CTNNA2: variants seen among roughly 807,000 people sequenced by gnomAD.
CTNNA2 encodes the protein catenin alpha-2.
CTNNA2 carries 42 observed loss-of-function variants against 101.0 expected under a neutral mutation model. The ratio of observed to expected loss-of-function variants is 0.42; its 90% confidence interval spans 0.32 to 0.54. CTNNA2 has a LOEUF of 0.54. Among genes scored for constraint, CTNNA2 ranks in the 20% least tolerant of loss-of-function variants. The probability of loss-of-function intolerance (pLI) is 0.14; values close to 1 mark genes in which losing one functional copy is unlikely to be tolerated. For missense variants in CTNNA2, 871 were observed against 1,223.1 expected, an observed-to-expected ratio of 0.71 and a Z score of 4.29; for synonymous variants, 450 against 456.4, an observed-to-expected ratio of 0.99 and a Z score of 0.18.
rs150474784 is a variant in CTNNA2 at position 79,929,102 on chromosome 2, C to A, written c.1056+19305C>A. On this transcript the variant is annotated intron_variant, in intron 7 of 18. Coordinates refer to ENST00000402739, the MANE Select transcript of CTNNA2 (RefSeq NM_001282597.3). ...GGGAGATGTGACAGGGACTGGGGCT[C>A]CAGCAAAGACTTTCCACGTTTTTAA... Among the ~76,000 whole-genome samples, 366 of 152,214 alleles carry A rather than the reference C, an allele frequency of 2.4e-3. 2 individuals are homozygous for A. The highest frequency in any genetic ancestry group is 8.6e-3 in the African/African-American group (356 of 41,520).
chr2:79,568,537 G>T (rs1245309391), intron 1 of CTNNA2, among the ~76,000 whole-genome samples: 2 of 152,038 alleles, frequency 1.3e-5, no homozygotes, highest in Non-Finnish European at 2.9e-5. Flanking sequence ...AGCAGAGGTT[G>T]CAGTGAGCCA....
intron 6 of CTNNA2, among the ~76,000 whole-genome samples, chr2:79,875,353 C>G (rs939422391): frequency 2.0e-5 from 3 of 152,148 alleles, no homozygotes; most frequent in Non-Finnish European, 4.4e-5. Context: ...TTAGCATCTA[C>G]TTTCCAGGGT....
intron 1 of CTNNA2, among the ~76,000 whole-genome samples, chr2:79,595,554 G>C (rs906322385): frequency 2.0e-5 from 3 of 152,070 alleles, no homozygotes; most frequent in African/African-American, 7.2e-5. Context: ...AGCCCAGGGC[G>C]AAAACCAGGT....
At chr2:80,043,692 T>C (rs1161250620) in intron 7 of CTNNA2, among the ~76,000 whole-genome samples, 3 of 152,228 alleles carry the variant, frequency 2.0e-5, no homozygotes, top group African/African-American at 7.2e-5. Flanking sequence ...GAGAATTGAA[T>C]ATGATGTCAT....
intron 7 of CTNNA2, among the ~76,000 whole-genome samples, chr2:80,173,469 A>G (rs1326503123): frequency 6.6e-6 from 1 of 152,212 alleles, no homozygotes. Flanking sequence ...CTATTAGAGG[A>G]GAGTAATTAT....
intron 7 of CTNNA2, among the ~76,000 whole-genome samples, chr2:80,179,558 A>G (rs1705629423): frequency 6.6e-6 from 1 of 152,056 alleles, no homozygotes; most frequent in Non-Finnish European, 1.5e-5. Context: ...TATTTTTAGT[A>G]GAGAAGGGAT....
intron 2 of CTNNA2, among the ~76,000 whole-genome samples, chr2:79,218,740 A>G (rs561478402): frequency 3.3e-5 from 5 of 152,298 alleles, no homozygotes; most frequent in East Asian, 1.9e-4. Context: ...TGCGTTGGTG[A>G]TAATAATTAT....
At chr2:80,032,978 C>A (rs1165184235) in intron 7 of CTNNA2, among the ~76,000 whole-genome samples, 1 of 151,774 alleles carries the variant, frequency 6.6e-6, no homozygotes, top group Non-Finnish European at 1.5e-5. Flanking sequence ...TGGTGAAACC[C>A]CATCTCTACC....
intron 4 of CTNNA2, among the ~76,000 whole-genome samples, chr2:79,473,055 A>G (rs1365338593): frequency 1.3e-5 from 2 of 152,208 alleles, no homozygotes; most frequent in African/African-American, 4.8e-5. Context: ...ACCTCATGAC[A>G]ATGACCTTGA....
At chr2:79,550,581 G>A (rs1674035557) in intron 1 of CTNNA2, among the ~76,000 whole-genome samples, 1 of 152,190 alleles carries the variant, frequency 6.6e-6, no homozygotes, top group Non-Finnish European at 1.5e-5. Flanking sequence ...ATATTAAAAT[G>A]CCCAAATGTT....
At chr2:80,646,900 A>G (rs1674156658) in intron 18 of CTNNA2, among the ~76,000 whole-genome samples, 1 of 152,134 alleles carries the variant, frequency 6.6e-6, no homozygotes, top group South Asian at 2.1e-4. Context: ...GCATGACGAT[A>G]ATGCCTATAT....
At chr2:79,418,056 G>A (rs1335355405) in intron 4 of CTNNA2, among the ~76,000 whole-genome samples, 1 of 152,066 alleles carries the variant, frequency 6.6e-6, no homozygotes, top group East Asian at 1.9e-4. Flanking sequence ...TGATTGCTTG[G>A]ATGAGAGATG....
At chr2:79,573,022 T>G (rs1675556237) in intron 1 of CTNNA2, among the ~76,000 whole-genome samples, 1 of 152,142 alleles carries the variant, frequency 6.6e-6, no homozygotes, top group Admixed American at 6.5e-5. Context: ...ACATTTCACT[T>G]TTGTCTTGAT....
At chr2:80,098,009 CAAAGTT>C (rs970867151) in intron 7 of CTNNA2, among the ~76,000 whole-genome samples, 7 of 152,186 alleles carry the variant, frequency 4.6e-5, no homozygotes, top group African/African-American at 1.7e-4. Flanking sequence ...CTCAACCTGT[CAAAGTT>C]AGTCTCCATC....
At chr2:79,751,427 C>T (rs1351791482) in intron 3 of CTNNA2, among the ~76,000 whole-genome samples, 1 of 151,814 alleles carries the variant, frequency 6.6e-6, no homozygotes, top group Non-Finnish European at 1.5e-5. Flanking sequence ...AACCCCGTCT[C>T]TACTAAAAAT....
intron 7 of CTNNA2, among the ~76,000 whole-genome samples, chr2:80,325,849 A>G (rs1679192414): frequency 6.6e-6 from 1 of 152,182 alleles, no homozygotes; most frequent in African/African-American, 2.4e-5. Context: ...CCTCCCTAGC[A>G]TTTATCATTT....
chr2:79,648,787 A>C (rs1033316457), intron 1 of CTNNA2, among the ~76,000 whole-genome samples: 8 of 152,132 alleles, frequency 5.3e-5, no homozygotes, highest in African/African-American at 1.9e-4. Context: ...AATGGTGAAA[A>C]GATTATGGGG....
chr2:80,228,101 T>G (rs965895568), intron 7 of CTNNA2, among the ~76,000 whole-genome samples: 1 of 152,178 alleles, frequency 6.6e-6, no homozygotes, highest in African/African-American at 2.4e-5. Flanking sequence ...GGACAAACTC[T>G]CCATGAGTGC....
intron 12 of CTNNA2, among the ~76,000 whole-genome samples, chr2:80,569,644 T>TGTTTTG (rs1558598216): frequency 3.9e-5 from 4 of 101,322 alleles, no homozygotes; most frequent in African/African-American, 1.3e-4. Context: ...TTTTTTTTTT[T>TGTTTTG]TTTTTTTTTT....
Sources: allele counts gnomAD v4.1 joint callset (sites outside exome capture counted in the v4.1 genomes callset), GRCh38; gene constraint gnomAD v4.1.1; transcripts MANE v1.5; gene names NCBI Gene and HGNC (gene_info 2026-07-23, HGNC 2026-07-21).